ICA1L: variants seen among roughly 807,000 people sequenced by gnomAD.
The protein encoded by ICA1L is islet cell autoantigen 1-like protein.
A neutral mutation model predicts 61.3 loss-of-function variants in ICA1L; 50 were observed. The observed-to-expected ratio is 0.82, with a 90% CI of 0.65 to 1.03. ICA1L has a LOEUF of 1.03. Among genes scored for constraint, ICA1L ranks in the 50% least tolerant of loss-of-function variants. ICA1L has a pLI of 0.00. For missense variants in ICA1L, 508 were observed against 556.7 expected, an observed-to-expected ratio of 0.91 and a Z score of 0.88; for synonymous variants, 161 against 191.3, an observed-to-expected ratio of 0.84 and a Z score of 1.31.
intron 1 of ICA1L, among the ~76,000 whole-genome samples, chr2:202,837,954 T>C (rs1220793988): frequency 5.9e-5 from 9 of 152,066 alleles, no homozygotes; most frequent in Non-Finnish European, 8.8e-5. Context: ...CTCGGGTTCA[T>C]GAGATTCTCC....
chr2:202,862,272 CAAAAA>C (rs778355110), intron 1 of ICA1L, among the ~76,000 whole-genome samples: 335 of 62,714 alleles, frequency 5.3e-3, no homozygotes, highest in African/African-American at 0.016. Flanking sequence ...CTCATTTCTA[CAAAAA>C]AAAAAAAAAA....
intron 9 of ICA1L, among the ~76,000 whole-genome samples, chr2:202,797,693 T>C (rs1156573972): frequency 6.6e-6 from 1 of 152,136 alleles, no homozygotes; most frequent in Non-Finnish European, 1.5e-5. Context: ...GGCTAATTTT[T>C]ATATTTTCAG....
intron 9 of ICA1L, among the ~76,000 whole-genome samples, chr2:202,808,984 TAACA>T (rs1693302558): frequency 6.6e-6 from 1 of 151,986 alleles, no homozygotes; most frequent in Admixed American, 6.5e-5. Context: ...GCCCAGACAT[TAACA>T]AACATCCACA....
chr2:202,779,878 C>G (rs531357473), intron 12 of ICA1L, among the ~76,000 whole-genome samples: 2 of 148,306 alleles, frequency 1.3e-5, no homozygotes, highest in Admixed American at 6.9e-5. Flanking sequence ...CTCCTGGGCT[C>G]AAGTGATTCT....
At position 202,777,043 on chromosome 2, in the gene ICA1L, G is replaced by GTTTT. The variant is rs1692245593; in HGVS notation, c.*2489_*2490insAAAA. ...TACAAACTCTCAAGACATAAAGTTA[G>GTTTT]CTTTTTTTTTTTTTTTTTTTTTTTT... On this transcript the variant is annotated 3_prime_UTR_variant, in exon 13 of 13. Coordinates refer to ENST00000358299, the MANE Select transcript of ICA1L (RefSeq NM_001288622.3). The GTTTT allele has an allele frequency of 9.7e-6, 1 of 103,572 alleles. No individual in the cohort carries two copies. 6.4% of individuals were successfully genotyped at this position (103,572 alleles called of 1,614,324 possible).
rs1054649586 is a variant in ICA1L, at chr2:202,841,609, A to G, written c.-7-12593T>C. 8 of 660,106 alleles carry G rather than the reference A, an allele frequency of 1.2e-5. No homozygotes were observed. In the African/African-American group the frequency reaches 1.4e-4, roughly 12 times the overall value. 40.9% of individuals were successfully genotyped at this position (660,106 alleles called of 1,614,324 possible). A position where few individuals can be genotyped will look rare whatever the true frequency, so the allele number is the denominator to read the frequency against. On this transcript the variant is annotated intron_variant, in intron 1 of 12. Transcript: ENST00000358299. ...TGCTTCCCATGCCACTGGCCCCACC[A>G]TAACTTCCACCCAGGACACCCCGAA...
chr2:202,792,071 G>C (rs952209874), intron 10 of ICA1L, among the ~76,000 whole-genome samples: 6 of 152,154 alleles, frequency 3.9e-5, no homozygotes, highest in Non-Finnish European at 7.3e-5. Context: ...AGGAGGCTGA[G>C]GCAGGAGAAC....
chr2:202,798,366 G>A (rs958850058), intron 9 of ICA1L, among the ~76,000 whole-genome samples: 1 of 152,150 alleles, frequency 6.6e-6, no homozygotes, highest in Non-Finnish European at 1.5e-5. Context: ...CTCATCCCAA[G>A]TAGCTGGGAC....
intron 1 of ICA1L, chr2:202,840,538 G>T (rs1694297946): frequency 5.5e-6 from 3 of 548,914 alleles, no homozygotes; most frequent in South Asian, 1.4e-5. Context: ...AGCCACTGGT[G>T]GTCTTCATAT....
At chr2:202,808,341 C>A (rs887786715) in intron 9 of ICA1L, among the ~76,000 whole-genome samples, 3 of 151,798 alleles carry the variant, frequency 2.0e-5, no homozygotes, top group African/African-American at 7.3e-5. Flanking sequence ...CCAGGCAGTA[C>A]CTGCTGCAGG....
At chr2:202,845,525 G>A (rs1310753682) in intron 1 of ICA1L, among the ~76,000 whole-genome samples, 1 of 151,954 alleles carries the variant, frequency 6.6e-6, no homozygotes, top group African/African-American at 2.4e-5. Context: ...TACTTGGGAG[G>A]CTGAGGCAGA....
At chr2:202,827,713 CAAT>C (rs1465709285) in intron 2 of ICA1L, among the ~76,000 whole-genome samples, 1 of 152,162 alleles carries the variant, frequency 6.6e-6, no homozygotes, top group African/African-American at 2.4e-5. Flanking sequence ...CATACAACAC[CAAT>C]AATAATAAAG....
At chr2:202,823,328 C>T (rs1192165643) in intron 3 of ICA1L, among the ~76,000 whole-genome samples, 1 of 152,112 alleles carries the variant, frequency 6.6e-6, no homozygotes, top group Non-Finnish European at 1.5e-5. Context: ...TTAATACAAT[C>T]GTCTTCAAGA....
intron 2 of ICA1L, among the ~76,000 whole-genome samples, chr2:202,827,328 G>A (rs557803412): frequency 1.1e-3 from 162 of 152,070 alleles, no homozygotes; most frequent in Non-Finnish European, 2.0e-3. Context: ...GGGAGGCGGA[G>A]GTTGCAGTGA....
chr2:202,795,768 C>T (rs922755068), intron 10 of ICA1L, among the ~76,000 whole-genome samples: 2 of 151,956 alleles, frequency 1.3e-5, no homozygotes, highest in Admixed American at 6.6e-5. Flanking sequence ...AAGGGCTGGG[C>T]GCGGTGGCTC....
intron 12 of ICA1L, among the ~76,000 whole-genome samples, chr2:202,781,357 G>A (rs1692396868): frequency 6.6e-6 from 1 of 151,976 alleles, no homozygotes. Context: ...CAGATCACCT[G>A]AGGTCAGGAG....
At chr2:202,813,442 A>G (rs903182063) in intron 8 of ICA1L, among the ~76,000 whole-genome samples, 1 of 152,176 alleles carries the variant, frequency 6.6e-6, no homozygotes, top group African/African-American at 2.4e-5. Flanking sequence ...TGTTGCTATA[A>G]GAGAATACCT....
chr2:202,840,363 C>T (rs193259557), intron 1 of ICA1L: 5 of 487,672 alleles, frequency 1.0e-5, no homozygotes, highest in Non-Finnish European at 1.6e-5. Flanking sequence ...GACTCGGACA[C>T]CAGCTTCCCA....
rs1692168783 is a variant in ICA1L at position 202,774,712 on chromosome 2, T to A, written c.*4821A>T. ...GCACACAAGAAAAAGAGAATTTCAC[T>A]GGTGCATTTAAATGTTACTAGGTCA... On this transcript the variant is annotated 3_prime_UTR_variant, in exon 13 of 13. Coordinates refer to ENST00000358299, the MANE Select transcript of ICA1L (RefSeq NM_001288622.3). 1 of 165,714 alleles carries A rather than the reference T, an allele frequency of 6.0e-6. No homozygotes were observed. The highest frequency in any genetic ancestry group is 2.0e-4 in the South Asian group (1 of 5,032). 10.3% of individuals were successfully genotyped at this position (165,714 alleles called of 1,614,324 possible).
Sources: gnomAD v4.1 joint callset for allele counts (sites outside exome capture counted in the v4.1 genomes callset) on GRCh38, gnomAD v4.1.1 for gene constraint, MANE v1.5 for transcripts, NCBI Gene and HGNC (gene_info 2026-07-23, HGNC 2026-07-21) for gene names.